CHD7: variants seen among roughly 807,000 people sequenced by gnomAD.
CHD7 encodes the protein chromodomain helicase DNA binding protein 7, also known as ATP-dependent chromatin remodeler CHD7.
A neutral mutation model predicts 307.3 loss-of-function variants in CHD7; 24 were observed. The ratio of observed to expected loss-of-function variants is 0.08; its 90% CI spans 0.06 to 0.11. CHD7 has a LOEUF of 0.11. Among genes scored for constraint, CHD7 ranks in the 10% least tolerant of loss-of-function variants. CHD7 has a pLI of 1.00. For missense variants in CHD7, 3,106 were observed against 3,727.1 expected, an observed-to-expected ratio of 0.83 and a Z score of 4.34; for synonymous variants, 1,363 against 1,349.9, an observed-to-expected ratio of 1.01 and a Z score of -0.21.
chr8:60,792,980 C>G (rs1021532796), intron 3 of CHD7, among the ~76,000 whole-genome samples: 2 of 152,194 alleles, frequency 1.3e-5, no homozygotes, highest in African/African-American at 4.8e-5. Flanking sequence ...TGTTTGAAAG[C>G]TGATTGAGGG....
intron 2 of CHD7, among the ~76,000 whole-genome samples, chr8:60,761,696 G>A (rs1052185164): frequency 1.2e-4 from 18 of 151,712 alleles, no homozygotes; most frequent in African/African-American, 4.4e-4. Context: ...TTGGTAGAAG[G>A]ATTTCCATAA....
chr8:60,833,610 C>T (rs1482354561), intron 15 of CHD7, among the ~76,000 whole-genome samples: 1 of 152,136 alleles, frequency 6.6e-6, no homozygotes, highest in Non-Finnish European at 1.5e-5. Context: ...CGACAGTGAC[C>T]ATCTGTTGAA....
intron 1 of CHD7, among the ~76,000 whole-genome samples, chr8:60,735,538 C>T (rs912285738): frequency 9.2e-5 from 14 of 151,900 alleles, no homozygotes; most frequent in Non-Finnish European, 1.9e-4. Flanking sequence ...TTATTCCTAA[C>T]ATACTGAAAA....
At chr8:60,750,463 C>A (rs1240670295) in intron 2 of CHD7, among the ~76,000 whole-genome samples, 3 of 152,154 alleles carry the variant, frequency 2.0e-5, no homozygotes, top group African/African-American at 7.2e-5. Flanking sequence ...TGTGTACTTA[C>A]TATGTTCTAG....
intron 8 of CHD7, among the ~76,000 whole-genome samples, chr8:60,817,432 A>G (rs897079579): frequency 7.9e-5 from 12 of 152,204 alleles, no homozygotes; most frequent in Non-Finnish European, 1.6e-4. Flanking sequence ...TTATACTATC[A>G]GGTAGCAAGT....
intron 2 of CHD7, among the ~76,000 whole-genome samples, chr8:60,748,488 C>G (rs1809446305): frequency 6.6e-6 from 1 of 152,012 alleles, no homozygotes; most frequent in Non-Finnish European, 1.5e-5. Flanking sequence ...CTTTGCAGCA[C>G]CCAGGAGTAC....
Position 60,861,063 on chromosome 8 carries a change from G to C in CHD7, c.7768G>C (p.Asp2590His), listed in dbSNP as rs1278990404. Residue 2590 changes from aspartate (D) to histidine (H), a missense_variant, in exon 35 of 38, where the codon GAT becomes CAT. Coordinates refer to ENST00000423902, the MANE Select transcript of CHD7 (RefSeq NM_017780.4). ...GGGGGAAGATGCTCCTAAAAATAAGGATTTAGTTGAATGGCTGAAGCTGCA... is the reference window on the plus strand; with the variant it reads ...GGGGGAAGATGCTCCTAAAAATAAGCATTTAGTTGAATGGCTGAAGCTGCA... ...LVGEDAPKNK[D>H]LVEWLKLHPT... The C allele has an allele frequency of 6.2e-7, 1 of 1,613,554 alleles. No homozygotes were observed. The highest frequency in any genetic ancestry group is 8.5e-7 in the Non-Finnish European group (1 of 1,179,718).
chr8:60,786,130 A>G (rs1374232170), intron 3 of CHD7, among the ~76,000 whole-genome samples: 2 of 152,182 alleles, frequency 1.3e-5, no homozygotes, highest in Non-Finnish European at 2.9e-5. Flanking sequence ...CTTTTCTTCA[A>G]CAAAAGGACC....
At chr8:60,814,786 C>T (rs1487864576) in intron 7 of CHD7, among the ~76,000 whole-genome samples, 2 of 152,184 alleles carry the variant, frequency 1.3e-5, no homozygotes, top group Non-Finnish European at 1.5e-5. Context: ...AAATAAAATA[C>T]TTGCAGTCCT....
At chr8:60,720,145 G>A (rs1418660423) in intron 1 of CHD7, among the ~76,000 whole-genome samples, 1 of 151,970 alleles carries the variant, frequency 6.6e-6, no homozygotes, top group African/African-American at 2.4e-5. Flanking sequence ...TTTTTTCAGC[G>A]AGGTCAAATG....
At chr8:60,719,218 G>A (rs940729779) in intron 1 of CHD7, among the ~76,000 whole-genome samples, 1 of 152,168 alleles carries the variant, frequency 6.6e-6, no homozygotes, top group African/African-American at 2.4e-5. Flanking sequence ...TCACCCACAG[G>A]GTAGGAAACT....
intron 9 of CHD7, 104 bp from the exon 10 acceptor site, chr8:60,821,686 A>G (rs1220733691): frequency 1.1e-6 from 1 of 887,564 alleles, no homozygotes; most frequent in Admixed American, 3.1e-5. Flanking sequence ...ATATATATAC[A>G]CACATACATA....
At chr8:60,758,715 G>A (rs1178519218) in intron 2 of CHD7, among the ~76,000 whole-genome samples, 1 of 152,050 alleles carries the variant, frequency 6.6e-6, no homozygotes, top group African/African-American at 2.4e-5. Context: ...AAAAAGGGTG[G>A]CCCATTCAAC....
intron 3 of CHD7, among the ~76,000 whole-genome samples, chr8:60,793,565 T>G (rs1428748996): frequency 6.6e-6 from 1 of 152,196 alleles, no homozygotes; most frequent in Non-Finnish European, 1.5e-5. Context: ...TATGCTTTAT[T>G]CTAAAAGCCT....
At chr8:60,805,650 C>T (rs1812503228) in intron 6 of CHD7, among the ~76,000 whole-genome samples, 2 of 152,004 alleles carry the variant, frequency 1.3e-5, no homozygotes, top group African/African-American at 4.8e-5. Context: ...CTTTACTGTT[C>T]AAGATTTGAT....
chr8:60,750,274 A>G (rs1809569682), intron 2 of CHD7, among the ~76,000 whole-genome samples: 1 of 152,180 alleles, frequency 6.6e-6, no homozygotes, highest in African/African-American at 2.4e-5. Context: ...TGTCTTAGGT[A>G]CCTTCATGAA....
At chr8:60,839,400 C>T (rs968612298) in intron 19 of CHD7, among the ~76,000 whole-genome samples, 1 of 152,120 alleles carries the variant, frequency 6.6e-6, no homozygotes, top group African/African-American at 2.4e-5. Context: ...TATTTGTGTA[C>T]AAGGTTTTGT....
intron 2 of CHD7, among the ~76,000 whole-genome samples, chr8:60,745,664 T>A (rs902264867): frequency 2.0e-5 from 3 of 152,350 alleles, no homozygotes; most frequent in African/African-American, 7.2e-5. Context: ...CTTTGCATCC[T>A]CTTCAGATTT....
At chr8:60,688,490 C>T (rs1008288673) in intron 1 of CHD7, among the ~76,000 whole-genome samples, 3 of 152,178 alleles carry the variant, frequency 2.0e-5, no homozygotes, top group African/African-American at 7.2e-5. Flanking sequence ...TGACTGGCTA[C>T]ACAATTTTCA....
Sources: allele counts gnomAD v4.1 joint callset (sites outside exome capture counted in the v4.1 genomes callset), GRCh38; gene constraint gnomAD v4.1.1; transcripts MANE v1.5; gene names NCBI Gene and HGNC (gene_info 2026-07-23, HGNC 2026-07-21).